The following DENND1A variants were observed in gnomAD, a reference collection of about 807,000 sequenced individuals.
DENND1A encodes the protein DENN domain-containing protein 1A.
Under a neutral mutation model 113.7 loss-of-function variants are expected in DENND1A, and 51 were observed. The ratio of observed to expected loss-of-function variants is 0.45; its 90% confidence interval spans 0.36 to 0.57. The LOEUF (loss-of-function observed/expected upper bound fraction) is 0.57. Among genes scored for constraint, DENND1A ranks in the 20% least tolerant of loss-of-function variants. DENND1A has a pLI of 0.00. For missense variants in DENND1A, 1,258 were observed against 1,395.9 expected (o/e 0.90, Z 1.57); for synonymous variants, 565 against 570.8 (o/e 0.99, Z 0.14).
intron 8 of DENND1A, among the ~76,000 whole-genome samples, chr9:123,663,903 C>A (rs565749552): frequency 6.6e-6 from 1 of 151,926 alleles, no homozygotes; most frequent in Admixed American, 6.6e-5. Context: ...TTACTCAACC[C>A]CCAGTGTAAG....
intron 1 of DENND1A, among the ~76,000 whole-genome samples, chr9:123,903,295 G>T (rs1852039898): frequency 8.2e-6 from 1 of 122,058 alleles, no homozygotes; most frequent in Non-Finnish European, 1.6e-5. Flanking sequence ...TCCCGCCACT[G>T]CACTCCAGCC....
intron 8 of DENND1A, among the ~76,000 whole-genome samples, chr9:123,662,383 GA>G (rs2063285640): frequency 6.6e-6 from 1 of 152,180 alleles, no homozygotes; most frequent in Non-Finnish European, 1.5e-5. Context: ...CCAACATGGT[GA>G]AACCCCATCT....
intron 12 of DENND1A, among the ~76,000 whole-genome samples, chr9:123,563,636 C>T (rs185522346): frequency 6.6e-6 from 1 of 152,266 alleles, no homozygotes; most frequent in East Asian, 1.9e-4. Context: ...GTATCTCTTC[C>T]TCTATTCTCT....
intron 2 of DENND1A, among the ~76,000 whole-genome samples, chr9:123,792,945 G>A (rs772133265): frequency 2.0e-5 from 3 of 152,156 alleles, no homozygotes; most frequent in Non-Finnish European, 4.4e-5. Context: ...TCTTAAATCT[G>A]CTTGACTTTT....
Position 123,432,663 on chromosome 9 carries a change from G to C in DENND1A, c.1488+7697C>G, listed in dbSNP as rs75583554. On this transcript the variant is annotated intron_variant, in intron 19 of 23. Transcript: ENST00000394215. Reference sequence around the variant, plus strand: ...GGAAACAACAGGGGTTGAAAGAGAGGTGTGCAGGGTATACCGCCTCATGGA... The same window carrying C: ...GGAAACAACAGGGGTTGAAAGAGAGCTGTGCAGGGTATACCGCCTCATGGA... 3.1e-3 allele frequency among the ~76,000 whole-genome samples: 468 copies of C among 152,344 alleles called. 6 individuals are homozygous for C. Among genetic ancestry groups the C allele is most frequent in the African/African-American group, 0.011 (446 of 41,580 alleles).
chr9:123,559,127 G>A (rs1227076863), intron 12 of DENND1A, among the ~76,000 whole-genome samples: 2 of 152,162 alleles, frequency 1.3e-5, no homozygotes, highest in Admixed American at 6.5e-5. Flanking sequence ...TGCTAAGTAC[G>A]GGGAGTGGTG....
At chr9:123,690,814 CTG>C (rs1289803972) in intron 5 of DENND1A, among the ~76,000 whole-genome samples, 2 of 152,250 alleles carry the variant, frequency 1.3e-5, no homozygotes, top group Non-Finnish European at 2.9e-5. Context: ...CCTCCTGCTT[CTG>C]TGAGTGAGCT....
chr9:123,452,211 TAA>T, intron 17 of DENND1A, 63 bp downstream of exon 17: 1 of 1,441,208 alleles, frequency 6.9e-7, no homozygotes, highest in East Asian at 2.3e-5. Flanking sequence ...AGTAAATAAA[TAA>T]AGAGTCTCAT....
chr9:123,439,265 T>C (rs780160865), intron 19 of DENND1A, among the ~76,000 whole-genome samples: 1 of 152,200 alleles, frequency 6.6e-6, no homozygotes, highest in Non-Finnish European at 1.5e-5. Context: ...CTTTTAAGTA[T>C]AAAATCAGAA....
At chr9:123,622,749 C>T (rs1160899045) in intron 10 of DENND1A, among the ~76,000 whole-genome samples, 1 of 152,130 alleles carries the variant, frequency 6.6e-6, no homozygotes, top group Admixed American at 6.5e-5. Flanking sequence ...ATTTACCTTG[C>T]AGCTTGATTT....
intron 2 of DENND1A, among the ~76,000 whole-genome samples, chr9:123,793,093 A>G (rs1286420714): frequency 6.6e-6 from 1 of 152,214 alleles, no homozygotes; most frequent in Non-Finnish European, 1.5e-5. Context: ...CATCGCTTTA[A>G]TAAATGAAAT....
intron 7 of DENND1A, among the ~76,000 whole-genome samples, chr9:123,668,798 T>C (rs1259646055): frequency 1.3e-5 from 2 of 152,236 alleles, no homozygotes; most frequent in African/African-American, 4.8e-5. Context: ...AGTATTACAG[T>C]AGAGACGGTG....
chr9:123,733,184 T>C (rs1291496057), intron 5 of DENND1A, among the ~76,000 whole-genome samples: 2 of 152,160 alleles, frequency 1.3e-5, no homozygotes, highest in Non-Finnish European at 1.5e-5. Flanking sequence ...TTTCTCCATG[T>C]AGGTCAGGCG....
At chr9:123,407,645 C>A (rs899284123) in intron 20 of DENND1A, among the ~76,000 whole-genome samples, 1 of 152,152 alleles carries the variant, frequency 6.6e-6, no homozygotes, top group African/African-American at 2.4e-5. Flanking sequence ...CAGGCACACA[C>A]AACAGTGACT....
chr9:123,891,676 G>A (rs1401735202), intron 1 of DENND1A, among the ~76,000 whole-genome samples: 3 of 152,004 alleles, frequency 2.0e-5, no homozygotes, highest in Non-Finnish European at 2.9e-5. Context: ...ATCTTATACC[G>A]GCAGTAGCAG....
intron 13 of DENND1A, among the ~76,000 whole-genome samples, chr9:123,503,144 G>C (rs1024433912): frequency 1.3e-5 from 2 of 152,088 alleles, no homozygotes; most frequent in Non-Finnish European, 2.9e-5. Context: ...GGTTATCTAC[G>C]GCATGCTATC....
intron 11 of DENND1A, among the ~76,000 whole-genome samples, chr9:123,608,469 C>G (rs1164746267): frequency 6.6e-6 from 1 of 152,088 alleles, no homozygotes; most frequent in Non-Finnish European, 1.5e-5. Flanking sequence ...CAGGCAAGCA[C>G]CCTCCCCACG....
At chr9:123,737,405 C>T (rs1380379411) in intron 5 of DENND1A, among the ~76,000 whole-genome samples, 1 of 152,086 alleles carries the variant, frequency 6.6e-6, no homozygotes, top group Non-Finnish European at 1.5e-5. Context: ...TCAGGCTGTT[C>T]TCGAACTCCT....
At position 123,676,796 on chromosome 9, in the gene DENND1A, G is replaced by A. The variant is rs551160494; in HGVS notation, c.303-7C>T. On this transcript the variant is annotated splice_region_variant and splice_polypyrimidine_tract_variant and intron_variant, in intron 5 of 23. Transcript: ENST00000394215. ...CTCGAACCAGGGGAGATAGCTGGAG[G>A]AAGAAGAGGAAACACATGAAATATT... 6.2e-7 allele frequency: 1 copy of A among 1,613,408 alleles called. No individual in the cohort carries two copies. The highest frequency in any genetic ancestry group is 2.2e-5 in the East Asian group (1 of 44,858).
Sources: allele counts gnomAD v4.1 joint callset (sites outside exome capture counted in the v4.1 genomes callset), GRCh38; gene constraint gnomAD v4.1.1; transcripts MANE v1.5; gene names NCBI Gene and HGNC (gene_info 2026-07-23, HGNC 2026-07-21).